Variants in HIPK2 observed in about 807,000 individuals in gnomAD.
The protein encoded by HIPK2 is homeodomain-interacting protein kinase 2.
HIPK2 carries 27 observed loss-of-function variants against 113.7 expected under a neutral mutation model. The ratio of observed to expected loss-of-function variants is 0.24; its 90% CI spans 0.17 to 0.33. The LOEUF is 0.33. Ranked by LOEUF, HIPK2 falls within the 10% of genes least tolerant of loss-of-function variation. The probability of loss-of-function intolerance (pLI) is 1.00; values close to 1 mark genes in which losing one functional copy is unlikely to be tolerated. For synonymous variants in HIPK2, 631 were observed against 642.2 expected, an observed-to-expected ratio of 0.98 and a Z score of 0.26; for missense variants, 1,257 against 1,588.0, an observed-to-expected ratio of 0.79 and a Z score of 3.54.
Position 139,614,260 on chromosome 7 carries a change from G to A in HIPK2, c.1990+26C>T, listed in dbSNP as rs1799940181. The A allele has an allele frequency of 3.5e-6, 5 of 1,416,448 alleles. No individual in the cohort carries two copies. The East Asian group carries it at 1.3e-4, about 38-fold the overall frequency. 87.7% of individuals were successfully genotyped at this position (1,416,448 alleles called of 1,614,324 possible). A position where few individuals can be genotyped will look rare whatever the true frequency, so the allele number is the denominator to read the frequency against. The stretch of plus-strand genomic sequence containing the variant: ...AGAGGCCGTTCTGTAAGAAGCAGGT[G>A]AGAGGCTGTGGCTGCTCAATCTTAC... On this transcript the variant is annotated intron_variant, in intron 8 of 14. Coordinates refer to ENST00000406875, the MANE Select transcript of HIPK2 (RefSeq NM_022740.5).
At chr7:139,662,487 A>G (rs1801898581) in intron 2 of HIPK2, among the ~76,000 whole-genome samples, 1 of 152,174 alleles carries the variant, frequency 6.6e-6, no homozygotes, top group Non-Finnish European at 1.5e-5. Context: ...AAATCCTGTA[A>G]GAAATTTCCT....
chr7:139,636,893 G>C (rs1800831830), intron 2 of HIPK2, among the ~76,000 whole-genome samples: 1 of 152,140 alleles, frequency 6.6e-6, no homozygotes, highest in South Asian at 2.1e-4. Flanking sequence ...TATTGCCTCT[G>C]GAATGTCTCA....
chr7:139,631,813 G>A lies in HIPK2; in HGVS notation c.1104-88C>T. On this transcript the variant is annotated intron_variant, in intron 2 of 14. Transcript: ENST00000406875. This position sits in a 1 kb window ranked among gnomAD's most constrained non-coding sequence, Gnocchi z 4.9. ...GAATACTATCTTTCAAACCTGGGGT[G>A]CCATTACTGACTCCTCCTCTGAAGG... 1 of 1,457,546 alleles carries A rather than the reference G, an allele frequency of 6.9e-7. No homozygotes were observed. The highest frequency in any genetic ancestry group is 9.2e-7 in the Non-Finnish European group (1 of 1,092,274). 90.3% of individuals were successfully genotyped at this position (1,457,546 alleles called of 1,614,324 possible). A position where few individuals can be genotyped will look rare whatever the true frequency, so the allele number is the denominator to read the frequency against.
Position 139,563,298 on chromosome 7 carries a change from G to A in HIPK2, c.*9629C>T, listed in dbSNP as rs1301373349. The A allele has an allele frequency of 1.3e-5, 2 of 152,830 alleles. No homozygotes were observed. Among genetic ancestry groups the A allele is most frequent in the Non-Finnish European group, 2.9e-5 (2 of 68,152 alleles). 9.5% of individuals were successfully genotyped at this position (152,830 alleles called of 1,614,324 possible). A position where few individuals can be genotyped will look rare whatever the true frequency, so the allele number is the denominator to read the frequency against. On this transcript the variant is annotated 3_prime_UTR_variant, in exon 15 of 15. Coordinates refer to ENST00000406875, the MANE Select transcript of HIPK2 (RefSeq NM_022740.5). ...CAGCCCAGCAGGCGACTCTGACAGG[G>A]AGGTGTGACCACCAGTCTCAAGGCT...
In HIPK2 at chr7:139,660,759, G is replaced by C. The variant is rs534531884; in HGVS notation, c.1104-29034C>G. Among the ~76,000 whole-genome samples, 8 of 152,318 alleles carry C rather than the reference G, an allele frequency of 5.3e-5. No individual in the cohort carries two copies. The East Asian group carries it at 1.5e-3, about 29-fold the overall frequency. On this transcript the variant is annotated intron_variant, in intron 2 of 14. Transcript: ENST00000406875. ...ACAGAGGGCTAGCCAGTCTAGATAC[G>C]TAACAAGGAAAGAATTATTCCAAGC...
intron 2 of HIPK2, among the ~76,000 whole-genome samples, chr7:139,632,316 C>T (rs1404726587): frequency 1.3e-5 from 2 of 152,178 alleles, no homozygotes; most frequent in East Asian, 1.9e-4. Flanking sequence ...ACACCTAACT[C>T]GAGGTATTCT....
At chr7:139,668,491 G>A (rs566914272) in intron 2 of HIPK2, among the ~76,000 whole-genome samples, 1 of 151,540 alleles carries the variant, frequency 6.6e-6, no homozygotes, top group Non-Finnish European at 1.5e-5. Flanking sequence ...GAACCCGGGA[G>A]GCAGAGCTTG....
intron 2 of HIPK2, among the ~76,000 whole-genome samples, chr7:139,689,460 T>C (rs1203160161): frequency 6.6e-6 from 1 of 152,216 alleles, no homozygotes; most frequent in African/African-American, 2.4e-5. Context: ...AAATATTTCT[T>C]GTGAAACAGC....
intron 1 of HIPK2, among the ~76,000 whole-genome samples, chr7:139,756,415 TTTTGTTTG>T (rs539978475): frequency 1.3e-5 from 2 of 152,212 alleles, no homozygotes; most frequent in Non-Finnish European, 2.9e-5. Flanking sequence ...TTTATTTAGT[TTTTGTTTG>T]TTTGTTTGTT....
chr7:139,635,437 T>A (rs996039731), intron 2 of HIPK2, among the ~76,000 whole-genome samples: 2 of 152,100 alleles, frequency 1.3e-5, no homozygotes, highest in African/African-American at 4.8e-5. Flanking sequence ...TCCCCAGTGA[T>A]GAACAAGGCA....
chr7:139,630,236 A>C lies in HIPK2; in HGVS notation c.1347+929T>G, dbSNP rs547337096. Among the ~76,000 whole-genome samples the C allele has an allele frequency of 3.0e-4, 45 of 152,174 alleles. No individual in the cohort carries two copies. Among genetic ancestry groups the C allele is most frequent in the African/African-American group, 1.0e-3 (43 of 41,514 alleles). ...GTTAAAGTGAAGCCCCTGCCCCCGG[A>C]GTTTCAGGTTTATGGTTACTTGTGT... is the stretch of plus-strand genomic sequence containing the variant. On this transcript the variant is annotated intron_variant, in intron 4 of 14. Transcript: ENST00000406875. The surrounding 1 kb of genome is among the most constrained non-coding windows in gnomAD (Gnocchi z 4.0).
At chr7:139,746,041 G>A (rs571197752) in intron 1 of HIPK2, among the ~76,000 whole-genome samples, 15 of 152,268 alleles carry the variant, frequency 9.9e-5, no homozygotes, top group Admixed American at 5.2e-4. Flanking sequence ...CTCTTTGCAC[G>A]CATCCTGCTG....
intron 2 of HIPK2, among the ~76,000 whole-genome samples, chr7:139,675,791 G>A (rs967054748): frequency 2.0e-5 from 3 of 152,140 alleles, no homozygotes; most frequent in Non-Finnish European, 4.4e-5. Flanking sequence ...CTGGGAGAAG[G>A]ACAAGGCTTT....
At chr7:139,743,856 G>A (rs969150506) in intron 1 of HIPK2, among the ~76,000 whole-genome samples, 10 of 152,136 alleles carry the variant, frequency 6.6e-5, no homozygotes, top group African/African-American at 2.4e-4. Context: ...CTGGAATGAG[G>A]AACTAACATT....
At chr7:139,775,916 C>A (rs1344275256) in intron 1 of HIPK2, among the ~76,000 whole-genome samples, 4 of 152,202 alleles carry the variant, frequency 2.6e-5, no homozygotes, top group Non-Finnish European at 4.4e-5. Context: ...GGGAAACCAG[C>A]CGTTTACTAT....
intron 2 of HIPK2, among the ~76,000 whole-genome samples, chr7:139,641,771 G>C (rs1801033704): frequency 6.6e-6 from 1 of 152,232 alleles, no homozygotes; most frequent in Non-Finnish European, 1.5e-5. Context: ...TCTGAGACCA[G>C]AGTCAATGTC....
chr7:139,709,183 C>T (rs1231300033), intron 2 of HIPK2, among the ~76,000 whole-genome samples: 1 of 152,170 alleles, frequency 6.6e-6, no homozygotes, highest in Non-Finnish European at 1.5e-5. Context: ...GTATTTATAA[C>T]AGTCTCCCTG....
intron 5 of HIPK2, among the ~76,000 whole-genome samples, chr7:139,627,947 T>G (rs190376202): frequency 1.2e-3 from 185 of 152,280 alleles, no homozygotes; most frequent in African/African-American, 4.3e-3. Flanking sequence ...TGTGACCTTA[T>G]TTGGAAATAG....
intron 1 of HIPK2, among the ~76,000 whole-genome samples, chr7:139,752,218 C>T (rs937334987): frequency 6.6e-6 from 1 of 152,192 alleles, no homozygotes; most frequent in Non-Finnish European, 1.5e-5. Context: ...AGCCCCCCAC[C>T]CCACAGGGGC....
Sources: gnomAD v4.1 joint callset for allele counts (sites outside exome capture counted in the v4.1 genomes callset) on GRCh38, gnomAD v4.1.1 for gene constraint, Gnocchi (gnomAD v3.1) non-coding constraint, MANE v1.5 for transcripts, NCBI Gene and HGNC (gene_info 2026-07-23, HGNC 2026-07-21) for gene names.